The following B4GALNT2 variants were observed in gnomAD, a reference collection of about 807,000 sequenced individuals.
The protein encoded by B4GALNT2 is N-acetylneuraminylgalactosylglucosyl-glucoside beta-1,4-N- acetylgalactosaminyltransferase 2.
In B4GALNT2, 42 loss-of-function variants were observed where a neutral mutation model predicts 51.1. The ratio of observed to expected loss-of-function variants is 0.82; its 90% CI spans 0.64 to 1.06. B4GALNT2 has a LOEUF of 1.06. B4GALNT2 is among the 50% of genes least tolerant of loss of function. The pLI, the probability that B4GALNT2 is intolerant of heterozygous loss-of-function variation, is 0.00. For missense variants in B4GALNT2, 602 were observed against 633.6 expected (o/e 0.95, Z 0.54); for synonymous variants, 253 against 251.7 (o/e 1.01, Z -0.05).
At chr17:49,127,649 T>A (rs1270557385), upstream of B4GALNT2, among the ~76,000 whole-genome samples, 1 of 151,950 alleles carries the variant, frequency 6.6e-6, no homozygotes, top group Non-Finnish European at 1.5e-5. Context: ...AAAAAAAAAA[T>A]TTCCCTATTG....
chr17:49,172,046 G>A lies in B4GALNT2; in HGVS notation c.*2318G>A. The A allele has an allele frequency of 3.7e-6, 1 of 272,596 alleles. No homozygotes were observed. The highest frequency in any genetic ancestry group is 6.8e-6 in the Non-Finnish European group (1 of 146,092). 16.9% of individuals were successfully genotyped at this position (272,596 alleles called of 1,614,324 possible). A position where few individuals can be genotyped will look rare whatever the true frequency, so the allele number is the denominator to read the frequency against. On this transcript the variant is annotated 3_prime_UTR_variant, in exon 11 of 11. Transcript: ENST00000393354. ...GTTCCTTGTTGAAGGAATACTCATG[G>A]CAATGGTGATCACCACTATCATATC...
intron 3 of B4GALNT2, among the ~76,000 whole-genome samples, chr17:49,142,886 G>A (rs563776756): frequency 8.6e-4 from 131 of 152,270 alleles, no homozygotes; most frequent in African/African-American, 3.0e-3. Flanking sequence ...TGCAAGGAGT[G>A]TATCCCTTTG....
chr17:49,137,657 G>A (rs1159633781), intron 1 of B4GALNT2, among the ~76,000 whole-genome samples: 3 of 152,106 alleles, frequency 2.0e-5, no homozygotes, highest in Non-Finnish European at 2.9e-5. Flanking sequence ...AAATTAAAAT[G>A]TATGTTCTAC....
At chr17:49,156,793 G>A (rs989991890) in intron 5 of B4GALNT2, among the ~76,000 whole-genome samples, 190 bp downstream of exon 5, 1 of 152,298 alleles carries the variant, frequency 6.6e-6, no homozygotes, top group South Asian at 2.1e-4. Context: ...GTTCCAGAGA[G>A]GACTTCCCAG....
rs1001710567 is a variant in B4GALNT2 at position 49,164,265 on chromosome 17, C to T, written c.944C>T (p.Pro315Leu). The T allele has an allele frequency of 1.9e-6, 3 of 1,612,026 alleles. No homozygotes were observed. Among genetic ancestry groups the T allele is most frequent in the Admixed American group, 1.7e-5 (1 of 59,988 alleles). The change falls in exon 8 of 11, where the codon CCC (proline) becomes CTC (leucine). Residue 315 changes from proline to leucine, a missense_variant. Physicochemically the swap from Pro to Leu is moderately conservative, Grantham distance 98. Transcript: ENST00000393354. ...KDNHVEYYTM[P>L]FGKGWFAGRN... ...AATCACGTGGAGTATTACACTATGC[C>T]CTTTGGGAAGGTATGTCCCTCTCAG...
At chr17:49,153,935 T>G (rs2042783449) in intron 4 of B4GALNT2, among the ~76,000 whole-genome samples, 1 of 152,036 alleles carries the variant, frequency 6.6e-6, no homozygotes, top group Admixed American at 6.6e-5. Flanking sequence ...CAAAGAATCT[T>G]AGGACATAAT....
chr17:49,167,499 T>C (rs756358226), intron 9 of B4GALNT2, among the ~76,000 whole-genome samples: 2 of 152,092 alleles, frequency 1.3e-5, no homozygotes, highest in South Asian at 2.1e-4. Context: ...CAAGTGCAGA[T>C]AGCTTATACA....
chr17:49,136,082 C>CAAAA (rs60290551), intron 1 of B4GALNT2, among the ~76,000 whole-genome samples: 1 of 119,526 alleles, frequency 8.4e-6, no homozygotes, highest in Non-Finnish European at 1.8e-5. Flanking sequence ...GACTCTGGAT[C>CAAAA]AAAAAAAAAA....
At position 49,169,938 on chromosome 17, in the gene B4GALNT2, T is replaced by TCA. The variant is rs1351951265; in HGVS notation, c.*210_*211insCA. On this transcript the variant is annotated 3_prime_UTR_variant, in exon 11 of 11. Coordinates refer to ENST00000393354, the MANE Select transcript of B4GALNT2 (RefSeq NM_001159387.2). ...CTGACCAGGGCAATGGAGACTGTAT[T>TCA]AATAGCAATGATGATTTGTACAATG... is the stretch of plus-strand genomic sequence containing the variant. The TCA allele has an allele frequency of 2.1e-6, 1 of 475,038 alleles. No homozygotes were observed. The highest frequency in any genetic ancestry group is 3.7e-6 in the Non-Finnish European group (1 of 273,174). The allele number at this position is 475,038 out of a possible 1,614,324, so 29.4% of individuals were successfully genotyped here.
At chr17:49,160,449 C>A in intron 6 of B4GALNT2, 106 bp from the exon 7 acceptor site, 1 of 1,055,128 alleles carries the variant, frequency 9.5e-7, no homozygotes, top group Non-Finnish European at 1.5e-6. Context: ...AACCAGGACT[C>A]TCCCCACCAA....
chr17:49,169,864 A>C lies in B4GALNT2; in HGVS notation c.*136A>C. On this transcript the variant is annotated 3_prime_UTR_variant, in exon 11 of 11. Transcript: ENST00000393354. Reference sequence around the variant, plus strand: ...TAGGGAAAAGGGAAATGGCTCAGTTACTGGAAGTACCAATCAAAGGTGAAG... The same window carrying C: ...TAGGGAAAAGGGAAATGGCTCAGTTCCTGGAAGTACCAATCAAAGGTGAAG... 1 of 819,752 alleles carries C rather than the reference A, an allele frequency of 1.2e-6. No homozygotes were observed. The highest frequency in any genetic ancestry group is 3.2e-5 in the Admixed American group (1 of 31,538). 50.8% of individuals were successfully genotyped at this position (819,752 alleles called of 1,614,324 possible). A position where few individuals can be genotyped will look rare whatever the true frequency, so the allele number is the denominator to read the frequency against.
At chr17:49,125,724 C>T in the B4GALNT2 span, among the ~76,000 whole-genome samples, 2 of 140,660 alleles carry the variant, frequency 1.4e-5, no homozygotes, top group African/African-American at 2.7e-5. Flanking sequence ...CCCGCCGGGC[C>T]GGCCGCCCCG....
At chr17:49,145,088 C>T (rs1468125257) in intron 3 of B4GALNT2, among the ~76,000 whole-genome samples, 1 of 152,118 alleles carries the variant, frequency 6.6e-6, no homozygotes, top group Admixed American at 6.5e-5. Context: ...TATCAGTCTC[C>T]TTTGGCAACA....
chr17:49,172,112 C>T lies in B4GALNT2; in HGVS notation c.*2384C>T, dbSNP rs577366410. On this transcript the variant is annotated 3_prime_UTR_variant, in exon 11 of 11. Transcript: ENST00000393354. ...CATTGTGACTGGTTGTCCCACTTTC[C>T]TCAGGTTTTCTTCCACCATCTGTGA... 26 of 305,482 alleles carry T rather than the reference C, an allele frequency of 8.5e-5. No individual in the cohort carries two copies. The Admixed American group carries it at 8.6e-4, about 10-fold the overall frequency. The allele number at this position is 305,482 out of a possible 1,614,324, so 18.9% of individuals were successfully genotyped here. A position where few individuals can be genotyped will look rare whatever the true frequency, so the allele number is the denominator to read the frequency against.
chr17:49,142,203 T>C, intron 3 of B4GALNT2, 31 bp downstream of exon 3: 1 of 1,613,194 alleles, frequency 6.2e-7, no homozygotes. Flanking sequence ...CCTTGGGTTC[T>C]GAGATGGAAC....
chr17:49,143,887 C>T (rs565393978), intron 3 of B4GALNT2, among the ~76,000 whole-genome samples: 1 of 152,270 alleles, frequency 6.6e-6, no homozygotes, highest in African/African-American at 2.4e-5. Flanking sequence ...GTGGCTCACG[C>T]CTGTAATTTC....
At position 49,175,601 on chromosome 17, in the gene B4GALNT2, GTGGCACTAC is replaced by G. The variant is rs2042982161; in HGVS notation, c.*5878_*5886del. On this transcript the variant is annotated 3_prime_UTR_variant, in exon 11 of 11. Coordinates refer to ENST00000393354, the MANE Select transcript of B4GALNT2 (RefSeq NM_001159387.2). ...AGCTTTTGTGCAGTATAAATCTACT[GTGGCACTAC>G]TGGCTGTCGTGGGGGACAGACATTG... The G allele has an allele frequency of 6.6e-6, 1 of 152,210 alleles. No homozygotes were observed. The highest frequency in any genetic ancestry group is 2.4e-5 in the African/African-American group (1 of 41,454). The allele number at this position is 152,210 out of a possible 1,614,324, so 9.4% of individuals were successfully genotyped here.
the B4GALNT2 span, among the ~76,000 whole-genome samples, chr17:49,125,926 G>A: frequency 6.7e-6 from 1 of 149,500 alleles, no homozygotes; most frequent in Admixed American, 6.6e-5. Flanking sequence ...GAGGTGAGGG[G>A]TGCCTCTGCC....
the B4GALNT2 span, among the ~76,000 whole-genome samples, chr17:49,127,350 C>A: frequency 6.6e-6 from 1 of 152,090 alleles, no homozygotes; most frequent in Non-Finnish European, 1.5e-5. Context: ...AATTTTGACA[C>A]CTTATAGCAT....
Sources: allele counts gnomAD v4.1 joint callset (sites outside exome capture counted in the v4.1 genomes callset), GRCh38; gene constraint gnomAD v4.1.1; transcripts MANE v1.5; gene names NCBI Gene and HGNC (gene_info 2026-07-23, HGNC 2026-07-21).